RARB: variants seen among roughly 807,000 people sequenced by gnomAD.
RARB encodes the protein HBV-activated protein.
In RARB, 17 loss-of-function variants were observed where a neutral mutation model predicts 51.9. That is an observed-to-expected ratio of 0.33 (90% confidence interval 0.22 to 0.49). RARB has a LOEUF of 0.49. Ranked by LOEUF, RARB falls within the 20% of genes least tolerant of loss-of-function variation. The pLI is 0.99. For synonymous variants in RARB, 215 were observed against 195.4 expected, an observed-to-expected ratio of 1.10 and a Z score of -0.84; for missense variants, 369 against 550.8, an observed-to-expected ratio of 0.67 and a Z score of 3.30.
chr3:25,550,998 G>A (rs562188633), intron 3 of RARB, among the ~76,000 whole-genome samples: 2 of 152,276 alleles, frequency 1.3e-5, no homozygotes, highest in South Asian at 2.1e-4. Flanking sequence ...TTTAACTTGC[G>A]AATTTGGAGA....
chr3:24,988,970 C>T (rs905840954), intron 2 of RARB, among the ~76,000 whole-genome samples: 3 of 152,234 alleles, frequency 2.0e-5, no homozygotes, highest in Admixed American at 1.3e-4. Flanking sequence ...GGATTACAGG[C>T]GTGTGCCACC....
intron 5 of RARB, among the ~76,000 whole-genome samples, chr3:25,351,553 C>G (rs936035987): frequency 3.9e-5 from 6 of 152,098 alleles, no homozygotes; most frequent in Non-Finnish European, 8.8e-5. Context: ...TTATCTGAAA[C>G]CCATTTATTC....
intron 1 of RARB, among the ~76,000 whole-genome samples, chr3:24,832,628 A>AATATATATATGTATATATATATATAT (rs1491243106): frequency 1.1e-5 from 1 of 88,456 alleles, no homozygotes; most frequent in African/African-American, 4.6e-5. Context: ...ATTGAGTCCC[A>AATATATATATGTATATATATATATAT]ATATATATAT....
At chr3:25,461,396 G>T (rs913835358) in intron 2 of RARB, 55 bp downstream of exon 2, 6 of 1,580,852 alleles carry the variant, frequency 3.8e-6, no homozygotes, top group Non-Finnish European at 5.2e-6. Context: ...GTACTTTATG[G>T]AGGTGACCTA....
intron 4 of RARB, among the ~76,000 whole-genome samples, chr3:25,145,699 C>T (rs1669430591): frequency 1.3e-5 from 2 of 152,034 alleles, no homozygotes; most frequent in Admixed American, 6.6e-5. Context: ...TATTGCTCTT[C>T]TTATACCTTG....
At chr3:25,174,542 C>T (rs1320464729) in exon 5 of RARB, 2 of 1,352,128 alleles carry the variant, frequency 1.5e-6, no homozygotes, top group Non-Finnish European at 2.0e-6. Flanking sequence ...TGGACATCCG[C>T]CTCCGAGTGG....
chr3:25,034,987 T>A (rs567293909), intron 2 of RARB, among the ~76,000 whole-genome samples: 3 of 152,336 alleles, frequency 2.0e-5, no homozygotes, highest in East Asian at 3.9e-4. Flanking sequence ...AGGCTGCACA[T>A]GCCTTGCCAT....
intron 4 of RARB, among the ~76,000 whole-genome samples, chr3:25,172,634 C>T (rs1435079922): frequency 6.6e-6 from 1 of 152,164 alleles, no homozygotes; most frequent in African/African-American, 2.4e-5. Flanking sequence ...AAGCTTTAGT[C>T]CTAACATTGT....
intron 3 of RARB, among the ~76,000 whole-genome samples, chr3:25,538,110 A>G (rs1699220311): frequency 6.6e-6 from 1 of 152,212 alleles, no homozygotes; most frequent in African/African-American, 2.4e-5. Flanking sequence ...TTTCCCAGTA[A>G]CAAGTGTCTT....
At chr3:25,569,076 C>A (rs778078732) in intron 3 of RARB, among the ~76,000 whole-genome samples, 1 of 152,208 alleles carries the variant, frequency 6.6e-6, no homozygotes, top group African/African-American at 2.4e-5. Flanking sequence ...CCAGACACAA[C>A]GTGGAGTCAA....
intron 2 of RARB, among the ~76,000 whole-genome samples, chr3:24,890,475 A>G (rs1043807903): frequency 1.3e-5 from 2 of 152,142 alleles, no homozygotes; most frequent in African/African-American, 4.8e-5. Flanking sequence ...TAGGTCAGGC[A>G]TGGTGGTTCA....
intron 2 of RARB, among the ~76,000 whole-genome samples, chr3:25,484,222 G>T (rs1435856531): frequency 1.3e-5 from 2 of 152,136 alleles, no homozygotes; most frequent in Non-Finnish European, 2.9e-5. Context: ...ATGAGAAAGG[G>T]CGAGGAGGAA....
At chr3:24,985,753 T>C (rs543992642) in intron 2 of RARB, among the ~76,000 whole-genome samples, 7 of 152,334 alleles carry the variant, frequency 4.6e-5, no homozygotes, top group Non-Finnish European at 8.8e-5. Flanking sequence ...TCCCACTCTT[T>C]TGTACTTTGC....
chr3:25,220,259 T>C (rs1701918969), intron 5 of RARB, among the ~76,000 whole-genome samples: 1 of 152,188 alleles, frequency 6.6e-6, no homozygotes, highest in Non-Finnish European at 1.5e-5. Flanking sequence ...TTCCTTCTGT[T>C]AGGAAAACAG....
chr3:25,449,738 C>G (rs1312076731), intron 1 of RARB, among the ~76,000 whole-genome samples: 1 of 148,552 alleles, frequency 6.7e-6, no homozygotes, highest in Non-Finnish European at 1.5e-5. Flanking sequence ...ACTAGACTAG[C>G]AATCTCTTTC....
intron 5 of RARB, among the ~76,000 whole-genome samples, chr3:25,349,591 C>A (rs1344539735): frequency 1.3e-5 from 2 of 152,020 alleles, no homozygotes; most frequent in Non-Finnish European, 2.9e-5. Context: ...ATTTGAGATC[C>A]AGCAATTCAT....
At chr3:25,371,446 C>A (rs1466853442) in intron 5 of RARB, among the ~76,000 whole-genome samples, 1 of 152,086 alleles carries the variant, frequency 6.6e-6, no homozygotes, top group Non-Finnish European at 1.5e-5. Flanking sequence ...CTGAGGGTTC[C>A]TTAAGGACTG....
chr3:24,996,998 C>G (rs1359268227), intron 2 of RARB, among the ~76,000 whole-genome samples: 1 of 151,766 alleles, frequency 6.6e-6, no homozygotes, highest in African/African-American at 2.4e-5. Flanking sequence ...AGTTTAAATC[C>G]AATGTTTCTT....
intron 5 of RARB, among the ~76,000 whole-genome samples, chr3:25,205,704 A>T (rs565521448): frequency 2.8e-4 from 43 of 152,206 alleles, no homozygotes; most frequent in African/African-American, 1.0e-3. Flanking sequence ...TGCATCTATT[A>T]TGTACCCATA....
Sources: gnomAD v4.1 joint callset for allele counts (sites outside exome capture counted in the v4.1 genomes callset) on GRCh38, gnomAD v4.1.1 for gene constraint, MANE v1.5 for transcripts, NCBI Gene and HGNC (gene_info 2026-07-23, HGNC 2026-07-21) for gene names.